Variants in UQCC1 observed in about 807,000 individuals in gnomAD.
UQCC1 encodes the protein bFGF-repressed Zic-binding protein.
UQCC1 carries 38 observed loss-of-function variants against 48.0 expected under a neutral mutation model. That is an observed-to-expected ratio of 0.79 (90% CI 0.61 to 1.04). The LOEUF is 1.04. Ranked by LOEUF, UQCC1 falls within the 50% of genes least tolerant of loss-of-function variation. The probability of loss-of-function intolerance (pLI) is 0.00; values close to 1 mark genes in which losing one functional copy is unlikely to be tolerated. For synonymous variants in UQCC1, 111 were observed against 129.2 expected (o/e 0.86, Z 0.95); for missense variants, 368 against 381.8 (o/e 0.96, Z 0.30).
chr20:35,366,481 C>G (rs979149218), intron 6 of UQCC1, 76 bp downstream of exon 6: 1 of 1,321,054 alleles, frequency 7.6e-7, no homozygotes, highest in Non-Finnish European at 1.1e-6. Flanking sequence ...AATCAGCCCT[C>G]CTGAAGGCTA....
chr20:35,321,252 C>CTGTGTGTG (rs58532328), intron 7 of UQCC1, among the ~76,000 whole-genome samples: 280 of 147,306 alleles, frequency 1.9e-3, no homozygotes, highest in African/African-American at 4.8e-3. Flanking sequence ...ACAAACAAAA[C>CTGTGTGTG]TGTGTGTGTG....
chr20:35,321,190 T>C (rs2061120524), intron 7 of UQCC1, among the ~76,000 whole-genome samples: 1 of 152,064 alleles, frequency 6.6e-6, no homozygotes, highest in Non-Finnish European at 1.5e-5. Flanking sequence ...TTAACTCACA[T>C]GCATTACGAC....
chr20:35,306,631 C>T (rs1323323528), intron 9 of UQCC1, 35 bp downstream of exon 9: 1 of 1,558,302 alleles, frequency 6.4e-7, no homozygotes, highest in Non-Finnish European at 8.9e-7. Context: ...CCCACTGTTG[C>T]CAGGACTTGG....
intron 1 of UQCC1, among the ~76,000 whole-genome samples, chr20:35,401,880 C>T (rs889155801): frequency 6.6e-6 from 1 of 151,478 alleles, no homozygotes; most frequent in East Asian, 2.0e-4. Context: ...AGGCTGGTCT[C>T]GAACTCCCAA....
intron 3 of UQCC1, among the ~76,000 whole-genome samples, chr20:35,383,188 T>C (rs1411769067): frequency 2.0e-5 from 3 of 152,228 alleles, no homozygotes; most frequent in Admixed American, 2.0e-4. Context: ...ATTTTATTAA[T>C]GACTACAGAG....
intron 1 of UQCC1, among the ~76,000 whole-genome samples, chr20:35,409,118 G>A (rs550373645): frequency 6.6e-6 from 1 of 152,224 alleles, no homozygotes; most frequent in Admixed American, 6.5e-5. Flanking sequence ...GATAAGGGTG[G>A]TAAAGATGGC....
chr20:35,392,364 C>A, intron 2 of UQCC1: 1 of 1,107,608 alleles, frequency 9.0e-7, no homozygotes, highest in Admixed American at 2.3e-5. Flanking sequence ...TACATCTGGT[C>A]AGCATGAGAT....
intron 6 of UQCC1, among the ~76,000 whole-genome samples, chr20:35,363,157 T>A (rs1460279425): frequency 1.3e-5 from 2 of 151,966 alleles, no homozygotes; most frequent in Non-Finnish European, 2.9e-5. Context: ...CAAAGTAACA[T>A]GCATTTGTTA....
intron 7 of UQCC1, among the ~76,000 whole-genome samples, chr20:35,316,884 C>T (rs1266106883): frequency 6.6e-6 from 1 of 151,872 alleles, no homozygotes. Flanking sequence ...GTGATCCACC[C>T]GCCTCGGCCT....
chr20:35,355,173 T>C (rs1443911165), intron 6 of UQCC1, among the ~76,000 whole-genome samples: 1 of 152,126 alleles, frequency 6.6e-6, no homozygotes, highest in East Asian at 1.9e-4. Flanking sequence ...ATGGGAATTG[T>C]TATTTTTCTC....
At chr20:35,328,790 G>C (rs2061226018) in intron 7 of UQCC1, among the ~76,000 whole-genome samples, 1 of 152,126 alleles carries the variant, frequency 6.6e-6, no homozygotes, top group Non-Finnish European at 1.5e-5. Context: ...CCTGCCCTGG[G>C]ATAACTCCTG....
chr20:35,410,708 A>C (rs1169924609), intron 1 of UQCC1, among the ~76,000 whole-genome samples: 4 of 114,432 alleles, frequency 3.5e-5, no homozygotes, highest in Non-Finnish European at 1.8e-5. Context: ...CTGCCTCAAA[A>C]AAAAAAAAAA....
At chr20:35,383,636 A>G (rs1010085355) in intron 3 of UQCC1, among the ~76,000 whole-genome samples, 3 of 152,028 alleles carry the variant, frequency 2.0e-5, no homozygotes, top group African/African-American at 7.2e-5. Flanking sequence ...GATCGCTTGA[A>G]GCCAGGAGTT....
chr20:35,304,054 A>C lies in UQCC1; in HGVS notation c.781T>G (p.Ser261Ala), dbSNP rs1209510858. 8.1e-6 allele frequency: 13 copies of C among 1,614,104 alleles called. No homozygotes were observed. The highest frequency in any genetic ancestry group is 1.1e-5 in the Non-Finnish European group (13 of 1,179,996). Residue 261 changes from serine (S) to alanine (A), a missense_variant, in exon 10 of 10, where the codon TCC becomes GCC. Ser to Ala is a moderately conservative substitution (Grantham distance 99, BLOSUM62 1). Transcript: ENST00000374385. ...AGAAGCAGATCCTCCCCGTTCATGG[A>C]GTCCAGGTACTGTATCTGCAACCAG... The part of the protein sequence containing the change: ...YVRKQIQYLD[S>A]MNGEDLLLTG...
At chr20:35,332,958 GTAT>G (rs1302599675) in intron 7 of UQCC1, among the ~76,000 whole-genome samples, 1 of 152,002 alleles carries the variant, frequency 6.6e-6, no homozygotes, top group Non-Finnish European at 1.5e-5. Context: ...GTACTTCTGT[GTAT>G]TATTATCTCA....
intron 1 of UQCC1, among the ~76,000 whole-genome samples, chr20:35,398,767 G>T (rs1157355541): frequency 7.8e-6 from 1 of 127,918 alleles, no homozygotes; most frequent in Non-Finnish European, 1.7e-5. Flanking sequence ...GGGGGGGGGG[G>T]GGCGGTGCAG....
intron 1 of UQCC1, among the ~76,000 whole-genome samples, chr20:35,410,702 C>G (rs2062339443): frequency 0.016 from 1 of 64 alleles, no homozygotes; most frequent in Non-Finnish European, 0.038. Context: ...AAGACTCTGC[C>G]TCAAAAAAAA....
intron 7 of UQCC1, among the ~76,000 whole-genome samples, chr20:35,325,697 C>T (rs780257790): frequency 3.3e-5 from 5 of 151,932 alleles, no homozygotes; most frequent in South Asian, 2.1e-4. Context: ...ATGTACAAAA[C>T]GGTAATGGTA....
At chr20:35,409,889 TC>T (rs1372362111) in intron 1 of UQCC1, among the ~76,000 whole-genome samples, 1 of 151,984 alleles carries the variant, frequency 6.6e-6, no homozygotes, top group Non-Finnish European at 1.5e-5. Context: ...CACTGCAACC[TC>T]CGCCTCCTGG....
Sources: gnomAD v4.1 joint callset for allele counts (sites outside exome capture counted in the v4.1 genomes callset) on GRCh38, gnomAD v4.1.1 for gene constraint, MANE v1.5 for transcripts, NCBI Gene and HGNC (gene_info 2026-07-23, HGNC 2026-07-21) for gene names.